The following ADAMTS19 variants were observed in gnomAD, a reference collection of about 807,000 sequenced individuals.
ADAMTS19 encodes the protein A disintegrin and metalloproteinase with thrombospondin motifs 19.
ADAMTS19 carries 93 observed loss-of-function variants against 153.3 expected under a neutral mutation model. The ratio of observed to expected loss-of-function variants is 0.61; its 90% confidence interval spans 0.51 to 0.72. The LOEUF is 0.72. Ranked by LOEUF, ADAMTS19 falls within the 30% of genes least tolerant of loss-of-function variation. The pLI is 0.00. For missense variants in ADAMTS19, 1,482 were observed against 1,552.1 expected, an observed-to-expected ratio of 0.95 and a Z score of 0.76; for synonymous variants, 600 against 556.6, an observed-to-expected ratio of 1.08 and a Z score of -1.10.
At chr5:129,654,521 T>C in intron 14 of ADAMTS19, 88 bp downstream of exon 14, 1 of 1,426,410 alleles carries the variant, frequency 7.0e-7, no homozygotes, top group Non-Finnish European at 9.5e-7. Context: ...TGGAAAGCTT[T>C]GGACTTAGAT....
At chr5:129,567,279 A>G (rs1338647042) in intron 7 of ADAMTS19, among the ~76,000 whole-genome samples, 3 of 152,162 alleles carry the variant, frequency 2.0e-5, no homozygotes, top group Admixed American at 2.0e-4. Context: ...TAAGTCTCCT[A>G]ATGTTATAGG....
intron 21 of ADAMTS19, among the ~76,000 whole-genome samples, chr5:129,721,715 C>T (rs540565496): frequency 9.2e-5 from 14 of 152,212 alleles, no homozygotes; most frequent in Non-Finnish European, 1.5e-5. Context: ...ACATTAAGCC[C>T]TGCATGCATT....
chr5:129,700,403 T>G (rs26207), intron 19 of ADAMTS19, among the ~76,000 whole-genome samples: 79,677 of 152,002 alleles, frequency 0.52, 23,551 homozygotes, highest in Non-Finnish European at 0.66. Flanking sequence ...TGTGGGAGGA[T>G]ATAGCCTGGT....
At chr5:129,533,460 T>C (rs1277982166) in intron 6 of ADAMTS19, among the ~76,000 whole-genome samples, 2 of 152,200 alleles carry the variant, frequency 1.3e-5, no homozygotes, top group Non-Finnish European at 2.9e-5. Flanking sequence ...CATCTTTTAT[T>C]GCGTCTATTT....
intron 15 of ADAMTS19, among the ~76,000 whole-genome samples, chr5:129,660,402 T>C (rs1410986284): frequency 6.6e-6 from 1 of 152,012 alleles, no homozygotes; most frequent in African/African-American, 2.4e-5. Context: ...AGTGCAGAAA[T>C]TCAAAAAAAT....
chr5:129,737,427 A>G lies in ADAMTS19; in HGVS notation c.*209A>G, dbSNP rs1757718332. 5.8e-6 allele frequency: 2 copies of G among 343,870 alleles called. No individual in the cohort carries two copies. Among genetic ancestry groups the G allele is most frequent in the East Asian group, 5.2e-5 (1 of 19,312 alleles). 21.3% of individuals were successfully genotyped at this position (343,870 alleles called of 1,614,324 possible). A position where few individuals can be genotyped will look rare whatever the true frequency, so the allele number is the denominator to read the frequency against. On this transcript the variant is annotated 3_prime_UTR_variant, in exon 23 of 23. Transcript: ENST00000274487. ...ACTATATGGCTTCATAAATAATTTT[A>G]TATGAATGAATTAGTTGGATCCAGT...
intron 4 of ADAMTS19, 95 bp downstream of exon 4, chr5:129,526,551 C>A: frequency 1.7e-6 from 2 of 1,193,374 alleles, no homozygotes; most frequent in South Asian, 1.5e-5. Context: ...AAAATTAACT[C>A]ATTACTATTC....
intron 7 of ADAMTS19, among the ~76,000 whole-genome samples, chr5:129,594,038 A>G (rs1373800959): frequency 2.6e-5 from 4 of 152,172 alleles, no homozygotes; most frequent in Non-Finnish European, 4.4e-5. Context: ...AAGGTATTCT[A>G]TGAATACCTT....
At chr5:129,675,025 C>T (rs1160402555) in intron 16 of ADAMTS19, among the ~76,000 whole-genome samples, 3 of 152,016 alleles carry the variant, frequency 2.0e-5, no homozygotes, top group Admixed American at 6.6e-5. Context: ...ATATAGAATT[C>T]GAGATTTTTT....
chr5:129,705,767 T>C (rs1756123083), intron 21 of ADAMTS19, among the ~76,000 whole-genome samples: 1 of 152,154 alleles, frequency 6.6e-6, no homozygotes, highest in Admixed American at 6.5e-5. Flanking sequence ...GGGAGACAAA[T>C]AGAGCAGGAT....
At chr5:129,637,676 C>T (rs1305907855) in intron 10 of ADAMTS19, among the ~76,000 whole-genome samples, 1 of 152,174 alleles carries the variant, frequency 6.6e-6, no homozygotes, top group Non-Finnish European at 1.5e-5. Flanking sequence ...AAAACCCTGT[C>T]TCTACTAAAA....
At chr5:129,591,442 A>C (rs1031152583) in intron 7 of ADAMTS19, among the ~76,000 whole-genome samples, 2 of 151,718 alleles carry the variant, frequency 1.3e-5, no homozygotes, top group Admixed American at 1.3e-4. Context: ...ACAGGCATGC[A>C]CCACCACGCC....
At chr5:129,625,718 A>T (rs1752003646) in intron 10 of ADAMTS19, among the ~76,000 whole-genome samples, 1 of 152,110 alleles carries the variant, frequency 6.6e-6, no homozygotes, top group Non-Finnish European at 1.5e-5. Context: ...AATTTGTTTA[A>T]GTTCTTTGTA....
chr5:129,578,818 C>T (rs1255052169), intron 7 of ADAMTS19, among the ~76,000 whole-genome samples: 1 of 152,146 alleles, frequency 6.6e-6, no homozygotes, highest in East Asian at 1.9e-4. Flanking sequence ...ATATGTGCCA[C>T]ATTATCTTTA....
intron 8 of ADAMTS19, among the ~76,000 whole-genome samples, chr5:129,618,291 G>C (rs1751620643): frequency 6.6e-6 from 1 of 151,822 alleles, no homozygotes. Flanking sequence ...AATATGTGTT[G>C]CTACAGACTC....
intron 13 of ADAMTS19, 116 bp from the exon 14 acceptor site, chr5:129,654,190 T>G (rs1753439355): frequency 3.1e-6 from 3 of 972,380 alleles, no homozygotes; most frequent in Non-Finnish European, 4.4e-6. Flanking sequence ...ATTACATTAC[T>G]TAATTAGCAT....
At chr5:129,658,550 C>T in intron 14 of ADAMTS19, 67 bp from the exon 15 acceptor site, 2 of 1,536,218 alleles carry the variant, frequency 1.3e-6, no homozygotes, top group Non-Finnish European at 1.8e-6. Context: ...TAGGTTTGTC[C>T]CAAATTAGTA....
intron 7 of ADAMTS19, among the ~76,000 whole-genome samples, chr5:129,579,917 G>A (rs551050394): frequency 1.5e-4 from 23 of 152,084 alleles, no homozygotes; most frequent in East Asian, 5.8e-4. Flanking sequence ...TTGACTATAC[G>A]GGCTCTTTTT....
At chr5:129,585,108 T>G (rs569639956) in intron 7 of ADAMTS19, among the ~76,000 whole-genome samples, 7 of 152,042 alleles carry the variant, frequency 4.6e-5, no homozygotes, top group Non-Finnish European at 7.4e-5. Flanking sequence ...AATGCACCCT[T>G]CCTCAAGGCA....
Sources: allele counts gnomAD v4.1 joint callset (sites outside exome capture counted in the v4.1 genomes callset), GRCh38; gene constraint gnomAD v4.1.1; transcripts MANE v1.5; gene names NCBI Gene and HGNC (gene_info 2026-07-23, HGNC 2026-07-21).